The following CATSPERT variants were observed in gnomAD, a reference collection of about 807,000 sequenced individuals.
CATSPERT encodes catsper channel auxiliary subunit tau.
chr2:201,595,542 T>A, the CATSPERT span, among the ~76,000 whole-genome samples: 114 of 151,986 alleles, frequency 7.5e-4, no homozygotes, highest in Non-Finnish European at 1.4e-3. Context: ...GTTGGAGTAC[T>A]CGGCCGTGTG....
the CATSPERT span, among the ~76,000 whole-genome samples, chr2:201,531,303 T>G: frequency 6.6e-6 from 1 of 152,030 alleles, no homozygotes; most frequent in Non-Finnish European, 1.5e-5. Flanking sequence ...AGATATTTAC[T>G]ACTGCCTACC....
At chr2:201,618,780 G>T in the CATSPERT span, 17 of 695,290 alleles carry the variant, frequency 2.4e-5, no homozygotes, top group East Asian at 2.9e-5. Flanking sequence ...AGGGTTCAAT[G>T]TGTGCCAATT....
chr2:201,569,833 G>A, the CATSPERT span, among the ~76,000 whole-genome samples: 2 of 152,044 alleles, frequency 1.3e-5, no homozygotes, highest in African/African-American at 4.8e-5. Flanking sequence ...AGTCATTCAA[G>A]TAAACAAGCT....
chr2:201,603,148 G>T, the CATSPERT span: 1 of 1,380,432 alleles, frequency 7.2e-7, no homozygotes, highest in South Asian at 1.3e-5. Context: ...GTTTTGGAAT[G>T]GTTTGTAATG....
chr2:201,500,047 A>T, the CATSPERT span, among the ~76,000 whole-genome samples: 1 of 151,784 alleles, frequency 6.6e-6, no homozygotes, highest in South Asian at 2.1e-4. Context: ...CCTAAAATGT[A>T]TTATCTCAAG....
the CATSPERT span, among the ~76,000 whole-genome samples, chr2:201,489,924 T>C: frequency 6.6e-6 from 1 of 151,880 alleles, no homozygotes; most frequent in Non-Finnish European, 1.5e-5. Context: ...TGGCACCATC[T>C]TGGCTCACTG....
the CATSPERT span, chr2:201,571,795 A>T: frequency 1.6e-6 from 1 of 622,554 alleles, no homozygotes. Flanking sequence ...ACAATTCACT[A>T]CTCTCTTCAC....
the CATSPERT span, chr2:201,491,202 T>C: frequency 6.5e-7 from 1 of 1,535,594 alleles, no homozygotes; most frequent in Non-Finnish European, 8.7e-7. Flanking sequence ...AGTGAAGCAG[T>C]GTCCTTGGAA....
At chr2:201,568,415 G>T in the CATSPERT span, among the ~76,000 whole-genome samples, 1 of 152,160 alleles carries the variant, frequency 6.6e-6, no homozygotes, top group African/African-American at 2.4e-5. Flanking sequence ...TGCTCACCTT[G>T]TCAGCCAAAA....
the CATSPERT span, among the ~76,000 whole-genome samples, chr2:201,597,846 A>G: frequency 6.6e-6 from 1 of 152,150 alleles, no homozygotes; most frequent in Admixed American, 6.5e-5. Context: ...AGCTTTCTGG[A>G]ACAATTAAAC....
the CATSPERT span, among the ~76,000 whole-genome samples, chr2:201,507,574 A>G: frequency 6.6e-6 from 1 of 152,226 alleles, no homozygotes; most frequent in Non-Finnish European, 1.5e-5. Flanking sequence ...AGTTATAGTA[A>G]GTAATGTTGT....
the CATSPERT span, among the ~76,000 whole-genome samples, chr2:201,598,062 G>A: frequency 1.3e-5 from 2 of 151,944 alleles, no homozygotes; most frequent in Non-Finnish European, 2.9e-5. Flanking sequence ...TCTTACTCCC[G>A]CCTGTATTAA....
the CATSPERT span, chr2:201,487,905 AAAT>A: frequency 6.4e-7 from 1 of 1,560,766 alleles, no homozygotes; most frequent in South Asian, 1.2e-5. Context: ...GAACAATCCT[AAAT>A]AATAAAATAA....
the CATSPERT span, among the ~76,000 whole-genome samples, chr2:201,576,618 G>A: frequency 6.6e-6 from 1 of 152,216 alleles, no homozygotes; most frequent in South Asian, 2.1e-4. Context: ...GTACTATTAT[G>A]TATGTTTGCA....
chr2:201,534,175 C>T, the CATSPERT span: 1 of 155,454 alleles, frequency 6.4e-6, no homozygotes, highest in Non-Finnish European at 1.4e-5. Context: ...TGAGCCCAGC[C>T]CTAACAGCTA....
the CATSPERT span, chr2:201,535,590 T>G: frequency 2.8e-6 from 3 of 1,052,852 alleles, no homozygotes; most frequent in South Asian, 1.4e-4. Flanking sequence ...TCGTTACACT[T>G]TCAGCTGAAT....
chr2:201,570,375 A>G, the CATSPERT span, among the ~76,000 whole-genome samples: 1 of 152,174 alleles, frequency 6.6e-6, no homozygotes, highest in Non-Finnish European at 1.5e-5. Flanking sequence ...CTGAGAACCC[A>G]AAGGAGTAAA....
At chr2:201,574,353 C>A in the CATSPERT span, 1 of 1,250,878 alleles carries the variant, frequency 8.0e-7, no homozygotes, top group Non-Finnish European at 1.1e-6. Context: ...GATATTTTTA[C>A]CTTACAAATC....
chr2:201,610,030 T>G, the CATSPERT span, among the ~76,000 whole-genome samples: 5 of 152,260 alleles, frequency 3.3e-5, no homozygotes, highest in Admixed American at 3.3e-4. Context: ...GAAACAACTA[T>G]ACACTAACAA....
Sources: allele counts gnomAD v4.1 joint callset (sites outside exome capture counted in the v4.1 genomes callset), GRCh38; gene constraint gnomAD v4.1.1; transcripts MANE v1.5; gene names NCBI Gene and HGNC (gene_info 2026-07-23, HGNC 2026-07-21).